Variants in SHMT2 observed in about 807,000 individuals in gnomAD.
SHMT2 encodes serine hydroxymethyltransferase, mitochondrial.
Under a neutral mutation model 59.6 loss-of-function variants are expected in SHMT2, and 38 were observed. The observed-to-expected ratio is 0.64, with a 90% CI of 0.49 to 0.84. The LOEUF (loss-of-function observed/expected upper bound fraction) is 0.84, where lower values mean the gene tolerates loss of function less well. Among genes scored for constraint, SHMT2 ranks in the 40% least tolerant of loss-of-function variants. The pLI is 0.00. For synonymous variants in SHMT2, 254 were observed against 258.1 expected, an observed-to-expected ratio of 0.98 and a Z score of 0.15; for missense variants, 533 against 659.5, an observed-to-expected ratio of 0.81 and a Z score of 2.10.
In SHMT2 at chr12:57,230,982, G is replaced by A; in HGVS notation, c.213G>A (p.Leu71=). The part of the protein sequence containing the change: ...QREKDRQCRG[L]ELIASENFCS... ...AGAAGGACAGGCAGTGTCGTGGCCT[G>A]GAGCTCATTGCCTCAGAGGTGGGAC... is the stretch of plus-strand genomic sequence containing the variant. Residue 71 remains leucine (L), a synonymous_variant, in exon 2 of 12, where the codon CTG becomes CTA. Transcript: ENST00000328923. 1 of 1,613,568 alleles carries A rather than the reference G, an allele frequency of 6.2e-7. No individual in the cohort carries two copies. The highest frequency in any genetic ancestry group is 8.5e-7 in the Non-Finnish European group (1 of 1,180,012).
Position 57,234,497 on chromosome 12 carries a change from C to A in SHMT2, c.*136C>A. The A allele has an allele frequency of 2.2e-6, 2 of 892,266 alleles. No individual in the cohort carries two copies. Among genetic ancestry groups the A allele is most frequent in the Non-Finnish European group, 3.2e-6 (2 of 627,818 alleles). 55.3% of individuals were successfully genotyped at this position (892,266 alleles called of 1,614,324 possible). A position where few individuals can be genotyped will look rare whatever the true frequency, so the allele number is the denominator to read the frequency against. On this transcript the variant is annotated 3_prime_UTR_variant, in exon 12 of 12. Coordinates refer to ENST00000328923, the MANE Select transcript of SHMT2 (RefSeq NM_005412.6). Reference sequence around the variant, plus strand: ...ACTTAGGGCAAGAGCCAGGTATAGTCTCCCTTCCCAGAATTTGTAACTGAG... The same window carrying A: ...ACTTAGGGCAAGAGCCAGGTATAGTATCCCTTCCCAGAATTTGTAACTGAG...
Position 57,234,466 on chromosome 12 carries a change from C to T in SHMT2, c.*105C>T. ...CTATTTTTTGGTGCGGGAGGGAAGA[C>T]CTCTCACTTAGGGCAAGAGCCAGGT... On this transcript the variant is annotated 3_prime_UTR_variant, in exon 12 of 12. Transcript: ENST00000328923. 1.5e-6 allele frequency: 2 copies of T among 1,309,052 alleles called. No individual in the cohort carries two copies. Among genetic ancestry groups the T allele is most frequent in the Non-Finnish European group, 2.1e-6 (2 of 970,892 alleles). 81.1% of individuals were successfully genotyped at this position (1,309,052 alleles called of 1,614,324 possible). A position where few individuals can be genotyped will look rare whatever the true frequency, so the allele number is the denominator to read the frequency against.
At chr12:57,233,926 G>A in intron 10 of SHMT2, 22 bp downstream of exon 10, 1 of 1,614,176 alleles carries the variant, frequency 6.2e-7, no homozygotes, top group Non-Finnish European at 8.5e-7. Context: ...GGTTTGAGGA[G>A]GGAAGGGGCT....
At chr12:57,232,092 C>T in intron 4 of SHMT2, 119 bp from the exon 5 acceptor site, 1 of 1,136,714 alleles carries the variant, frequency 8.8e-7, no homozygotes. Flanking sequence ...GTGGACAGAG[C>T]AGTGAGGCGG....
chr12:57,230,620 G>C (rs920734992), intron 1 of SHMT2, 183 bp from the exon 2 acceptor site: 1 of 1,441,654 alleles, frequency 6.9e-7, no homozygotes, highest in Non-Finnish European at 9.1e-7. Context: ...CCACCCCTTG[G>C]ACGTTGATCT....
chr12:57,234,129 G>A lies in SHMT2; in HGVS notation c.1387+19G>A, dbSNP rs2037453746. On this transcript the variant is annotated intron_variant, in intron 11 of 11. Coordinates refer to ENST00000328923, the MANE Select transcript of SHMT2 (RefSeq NM_005412.6). Reference sequence around the variant, plus strand: ...AAGACTGGTGAGTGAGCAAGAAGGAGCCCCGGGCCAGCCAGTTCCCACTCA... The same window carrying A: ...AAGACTGGTGAGTGAGCAAGAAGGAACCCCGGGCCAGCCAGTTCCCACTCA... 2 of 1,613,902 alleles carry A rather than the reference G, an allele frequency of 1.2e-6. No individual in the cohort carries two copies. Among genetic ancestry groups the A allele is most frequent in the East Asian group, 2.2e-5 (1 of 44,882 alleles).
intron 7 of SHMT2, 120 bp from the exon 8 acceptor site, chr12:57,233,060 C>T (rs1442047311): frequency 3.1e-6 from 4 of 1,300,178 alleles, no homozygotes; most frequent in Non-Finnish European, 3.2e-6. Flanking sequence ...CCACTGGAAT[C>T]CAGTGTACCA....
chr12:57,231,006 A>G lies in SHMT2; in HGVS notation c.231+6A>G, dbSNP rs769971144. ...TGGAGCTCATTGCCTCAGAGGTGGG[A>G]CCTGGGGAGATGGGCAGGGGTTGGG... is the stretch of plus-strand genomic sequence containing the variant. On this transcript the variant is annotated splice_donor_region_variant and intron_variant, in intron 2 of 11. Coordinates refer to ENST00000328923, the MANE Select transcript of SHMT2 (RefSeq NM_005412.6). 1 of 1,613,006 alleles carries G rather than the reference A, an allele frequency of 6.2e-7. No individual in the cohort carries two copies. The highest frequency in any genetic ancestry group is 1.1e-5 in the South Asian group (1 of 91,016).
rs762712163 is a variant in SHMT2 at position 57,231,540 on chromosome 12, G to A, written c.291G>A (p.Ser97=). ...ALGSCLNNKY[S]EGYPGKRYYG... ...GGTCCTGTCTGAACAACAAGTACTC[G>A]GAGGGTTATCCTGGCAAGAGGTGAG... Residue 97 remains serine, a synonymous_variant, in exon 3 of 12, where the codon TCG becomes TCA. Transcript: ENST00000328923. 3.7e-6 allele frequency: 6 copies of A among 1,614,210 alleles called. No individual in the cohort carries two copies. In the East Asian group the frequency reaches 8.9e-5, roughly 24 times the overall value.
At chr12:57,230,645 G>A in intron 1 of SHMT2, 158 bp from the exon 2 acceptor site, 1 of 1,457,680 alleles carries the variant, frequency 6.9e-7, no homozygotes, top group Middle Eastern at 2.5e-4. Context: ...CTTGGCTCCA[G>A]AACTGGCTTT....
At position 57,232,452 on chromosome 12, in the gene SHMT2, G is replaced by A; in HGVS notation, c.595-1G>A. 6.2e-7 allele frequency: 1 copy of A among 1,614,146 alleles called. No individual in the cohort carries two copies. The highest frequency in any genetic ancestry group is 8.5e-7 in the Non-Finnish European group (1 of 1,180,010). On this transcript the variant is annotated splice_acceptor_variant, in intron 5 of 11. Coordinates refer to ENST00000328923, the MANE Select transcript of SHMT2 (RefSeq NM_005412.6). LOFTEE classifies it high-confidence loss of function. ...CTTTAGCTGTTTGTGTGTCTGTCCA[G>A]CCCAAAACTGGCCTCATTGACTACA...
chr12:57,231,365 A>G (rs1385007908), intron 2 of SHMT2, 116 bp from the exon 3 acceptor site: 1 of 1,108,780 alleles, frequency 9.0e-7, no homozygotes, highest in Non-Finnish European at 1.3e-6. Flanking sequence ...TGCTGAGTGA[A>G]TGGAGCTTTC....
At chr12:57,232,982 C>T in intron 7 of SHMT2, 139 bp downstream of exon 7, 5 of 1,329,744 alleles carry the variant, frequency 3.8e-6, no homozygotes, top group Non-Finnish European at 5.1e-6. Flanking sequence ...AGTTCTCCTT[C>T]TCTTGCCCAT....
Position 57,234,376 on chromosome 12 carries a change from T to C in SHMT2, c.*15T>C. ...ATGAGCATTGAAGGCACCTGGGAAATGAGGCCCACAGACTCAAAGTTACTC... is the reference window on the plus strand; with the variant it reads ...ATGAGCATTGAAGGCACCTGGGAAACGAGGCCCACAGACTCAAAGTTACTC... On this transcript the variant is annotated 3_prime_UTR_variant, in exon 12 of 12. Transcript: ENST00000328923. The C allele has an allele frequency of 6.4e-7, 1 of 1,568,428 alleles. No homozygotes were observed. The highest frequency in any genetic ancestry group is 2.3e-5 in the East Asian group (1 of 44,354).
In SHMT2 at chr12:57,229,819, TG is replaced by T; in HGVS notation, c.33+12del. The T allele has an allele frequency of 6.2e-7, 1 of 1,614,172 alleles. No homozygotes were observed. Among genetic ancestry groups the T allele is most frequent in the Non-Finnish European group, 8.5e-7 (1 of 1,179,994 alleles). On this transcript the variant is annotated intron_variant, in intron 1 of 11. Transcript: ENST00000328923. ...TTGTTTTGGGCGGCTCGGGTAAGAA[TG>T]GGGCTCCAAACGCTGGGTAATCAGT...
At chr12:57,229,979 G>T in intron 1 of SHMT2, 168 bp downstream of exon 1, 1 of 1,448,100 alleles carries the variant, frequency 6.9e-7, no homozygotes, top group East Asian at 2.5e-5. Flanking sequence ...CTGGGCGCGC[G>T]TGGAGTTAAC....
At chr12:57,232,675 G>T in intron 6 of SHMT2, 29 bp from the exon 7 acceptor site, 1 of 1,607,200 alleles carries the variant, frequency 6.2e-7, no homozygotes, top group Non-Finnish European at 8.5e-7. Context: ...CCCTCCCCAG[G>T]CTGAGGCCTT....
At chr12:57,232,662 G>A (rs768920289) in intron 6 of SHMT2, 42 bp from the exon 7 acceptor site, 71 of 1,607,848 alleles carry the variant, frequency 4.4e-5, no homozygotes, top group Non-Finnish European at 1.5e-5. Context: ...AGGCCTCTCC[G>A]GGCCCTCCCC....
intron 1 of SHMT2, chr12:57,230,121 G>T: frequency 7.5e-7 from 1 of 1,332,608 alleles, no homozygotes; most frequent in Non-Finnish European, 9.7e-7. Flanking sequence ...GGAGTTTTCG[G>T]CCTGGTCTCA....
Sources: allele counts gnomAD v4.1 joint callset, GRCh38; gene constraint gnomAD v4.1.1; transcripts MANE v1.5; gene names NCBI Gene and HGNC (gene_info 2026-07-23, HGNC 2026-07-21).